FAM184A: variants seen among roughly 807,000 people sequenced by gnomAD.
The protein encoded by FAM184A is family with sequence similarity 184 member A, also known as protein FAM184A.
Under a neutral mutation model 143.8 loss-of-function variants are expected in FAM184A, and 99 were observed. The observed-to-expected ratio is 0.69, with a 90% CI of 0.58 to 0.81. FAM184A has a LOEUF of 0.81. Among genes scored for constraint, FAM184A ranks in the 40% least tolerant of loss-of-function variants. The probability of loss-of-function intolerance (pLI) is 0.00; values close to 1 mark genes in which losing one functional copy is unlikely to be tolerated. For synonymous variants in FAM184A, 427 were observed against 446.4 expected (o/e 0.96, Z 0.55); for missense variants, 1,217 against 1,310.5 (o/e 0.93, Z 1.10).
At chr6:119,086,187 T>G (rs1002876838) in intron 1 of FAM184A, among the ~76,000 whole-genome samples, 1 of 152,246 alleles carries the variant, frequency 6.6e-6, no homozygotes, top group Non-Finnish European at 1.5e-5. Context: ...GCAAGAAATC[T>G]ATACTTAGTG....
chr6:118,995,005 A>C (rs145338039), intron 9 of FAM184A, among the ~76,000 whole-genome samples: 4 of 152,242 alleles, frequency 2.6e-5, no homozygotes, highest in African/African-American at 9.6e-5. Flanking sequence ...GAAGCAATAG[A>C]AAGGAATTCT....
At chr6:119,049,245 C>T (rs1477903145) in intron 1 of FAM184A, among the ~76,000 whole-genome samples, 2 of 152,138 alleles carry the variant, frequency 1.3e-5, no homozygotes, top group African/African-American at 2.4e-5. Context: ...GTCAGGAGTT[C>T]GAGACCAGCC....
At chr6:119,039,296 A>G (rs1411980311) in intron 1 of FAM184A, among the ~76,000 whole-genome samples, 2 of 152,214 alleles carry the variant, frequency 1.3e-5, no homozygotes, top group Non-Finnish European at 2.9e-5. Flanking sequence ...TATTTACTCA[A>G]ATGAGTTAAA....
At chr6:119,084,184 A>G (rs993592113) in intron 1 of FAM184A, among the ~76,000 whole-genome samples, 33 of 152,248 alleles carry the variant, frequency 2.2e-4, no homozygotes, top group Admixed American at 1.8e-3. Context: ...CATGGGAGAA[A>G]TTGTCCCCAT....
intron 14 of FAM184A, among the ~76,000 whole-genome samples, chr6:118,972,222 G>T (rs749937988): frequency 9.9e-5 from 15 of 152,164 alleles, no homozygotes; most frequent in Admixed American, 5.2e-4. Flanking sequence ...CCATTAGTCT[G>T]CATATGGCTA....
chr6:119,097,207 G>T (rs139647958), intron 1 of FAM184A, among the ~76,000 whole-genome samples: 1,654 of 152,082 alleles, frequency 0.011, 21 homozygotes, highest in South Asian at 0.043. Context: ...CACTTAAAAA[G>T]GAATACTTCC....
At chr6:119,133,321 A>G (rs1789583598) in intron 1 of FAM184A, among the ~76,000 whole-genome samples, 1 of 152,060 alleles carries the variant, frequency 6.6e-6, no homozygotes. Context: ...TTAATTGAGG[A>G]TTGATAAAAG....
At chr6:119,081,971 C>A (rs1788082079), upstream of FAM184A, among the ~76,000 whole-genome samples, 1 of 152,210 alleles carries the variant, frequency 6.6e-6, no homozygotes, top group East Asian at 1.9e-4. Context: ...GACATCCGGC[C>A]ACCTGTGTCT....
chr6:118,974,462 G>A lies in FAM184A; in HGVS notation c.2881C>T (p.Leu961=). ...AAAGCGGCATTTATTTCCTTGAGTA[G>A]CTCGTTAGTCTTATTAAAATCTGCC... is the stretch of plus-strand genomic sequence containing the variant. ...MRADFNKTNE[L]LKEINAALQV... is the part of the protein sequence containing the mutation. The change falls in exon 14 of 18, where the codon CTA becomes TTA. Residue 961 remains leucine (L), a synonymous_variant. Coordinates refer to ENST00000338891, the MANE Select transcript of FAM184A (RefSeq NM_024581.6). 1 of 1,611,160 alleles carries A rather than the reference G, an allele frequency of 6.2e-7. No homozygotes were observed. The highest frequency in any genetic ancestry group is 2.2e-5 in the East Asian group (1 of 44,714).
At position 119,049,580 on chromosome 6, in the gene FAM184A, G is replaced by C. The variant is rs1465014515; in HGVS notation, c.160-24767C>G. On this transcript the variant is annotated intron_variant, in intron 1 of 17. Coordinates refer to ENST00000338891, the MANE Select transcript of FAM184A (RefSeq NM_024581.6). ...ACAAAGCTGACAAAAACAAGCAATG[G>C]GGAAAACATTCCCTACTCAATAAAT... is the stretch of plus-strand genomic sequence containing the variant. Among the ~76,000 whole-genome samples, 3 of 152,152 alleles carry C rather than the reference G, an allele frequency of 2.0e-5. No homozygotes were observed. The South Asian group carries it at 6.2e-4, about 31-fold the overall frequency.
intron 1 of FAM184A, among the ~76,000 whole-genome samples, chr6:119,139,039 G>A (rs1772119658): frequency 6.6e-6 from 1 of 152,164 alleles, no homozygotes; most frequent in Non-Finnish European, 1.5e-5. Flanking sequence ...CCTTTGTCAT[G>A]CACGGTAGCA....
At chr6:119,141,479 A>G (rs1772234151) in intron 1 of FAM184A, among the ~76,000 whole-genome samples, 1 of 98,480 alleles carries the variant, frequency 1.0e-5, no homozygotes, top group Admixed American at 1.1e-4. Context: ...GAACTCCTTT[A>G]TTTTATTTTA....
chr6:119,110,845 T>C (rs944458863), intron 1 of FAM184A, among the ~76,000 whole-genome samples: 1 of 152,234 alleles, frequency 6.6e-6, no homozygotes, highest in Non-Finnish European at 1.5e-5. Flanking sequence ...GTGAATTCCA[T>C]TCTAAAGAGG....
At chr6:119,094,095 T>C (rs539308668) in intron 1 of FAM184A, among the ~76,000 whole-genome samples, 27 of 151,198 alleles carry the variant, frequency 1.8e-4, no homozygotes, top group Admixed American at 2.7e-4. Flanking sequence ...TTCTTTTCTT[T>C]CTGTTTCAGA....
chr6:119,074,044 G>C (rs1253218906), intron 1 of FAM184A, among the ~76,000 whole-genome samples: 1 of 152,194 alleles, frequency 6.6e-6, no homozygotes, highest in Non-Finnish European at 1.5e-5. Flanking sequence ...AATTCTCACT[G>C]TCAAGGAATT....
intron 1 of FAM184A, among the ~76,000 whole-genome samples, chr6:119,104,725 G>A (rs1052465302): frequency 1.3e-5 from 2 of 152,086 alleles, no homozygotes; most frequent in African/African-American, 4.8e-5. Flanking sequence ...CACTCCTTAA[G>A]TGTGGACTGC....
In FAM184A at chr6:119,078,349, G is replaced by C. The variant is rs1032523946; in HGVS notation, c.-50C>G. On this transcript the variant is annotated 5_prime_UTR_variant, in exon 1 of 18. Transcript: ENST00000338891. The surrounding 1 kb of genome is among the most constrained non-coding windows in gnomAD (Gnocchi z 5.5). ...CACCTGTCCCCGCGGGTGGAGGCAG[G>C]CCCGTGGAGCAACGACGCCCGGGAG... is the stretch of plus-strand genomic sequence containing the variant. 1.4e-6 allele frequency: 2 copies of C among 1,379,790 alleles called. No homozygotes were observed. Among genetic ancestry groups the C allele is most frequent in the African/African-American group, 1.5e-5 (1 of 65,336 alleles). 85.5% of individuals were successfully genotyped at this position (1,379,790 alleles called of 1,614,324 possible). A position where few individuals can be genotyped will look rare whatever the true frequency, so the allele number is the denominator to read the frequency against.
In FAM184A at chr6:118,974,486, C is replaced by T. The variant is rs201332654; in HGVS notation, c.2857G>A (p.Ala953Thr). 1.2e-6 allele frequency: 2 copies of T among 1,612,390 alleles called. No homozygotes were observed. Among genetic ancestry groups the T allele is most frequent in the Admixed American group, 1.7e-5 (1 of 59,892 alleles). ...AGCTCGTTAGTCTTATTAAAATCTGCCCGCATGATATTTTTCTCTCTGAGG... is the reference window on the plus strand; with the variant it reads ...AGCTCGTTAGTCTTATTAAAATCTGTCCGCATGATATTTTTCTCTCTGAGG... ...DHLREKNIMR[A>T]DFNKTNELLK... Residue 953 changes from alanine to threonine, a missense_variant, in exon 14 of 18, where the codon GCA becomes ACA. Physicochemically the swap from Ala to Thr is moderately conservative, Grantham distance 58. Coordinates refer to ENST00000338891, the MANE Select transcript of FAM184A (RefSeq NM_024581.6).
chr6:119,005,146 A>G (rs1784881899), intron 7 of FAM184A: 1 of 152,166 alleles, frequency 6.6e-6, no homozygotes, highest in Non-Finnish European at 1.5e-5. Flanking sequence ...TACCATCGAG[A>G]TTATAGTCAA....
Sources: allele counts gnomAD v4.1 joint callset (sites outside exome capture counted in the v4.1 genomes callset), GRCh38; gene constraint gnomAD v4.1.1; non-coding constraint Gnocchi (gnomAD v3.1); transcripts MANE v1.5; gene names NCBI Gene and HGNC (gene_info 2026-07-23, HGNC 2026-07-21).